The following BICDL1 variants were observed in gnomAD, a reference collection of about 807,000 sequenced individuals.
The protein encoded by BICDL1 is BICD family-like cargo adapter 1.
BICDL1 carries 20 observed loss-of-function variants against 76.8 expected under a neutral mutation model. The ratio of observed to expected loss-of-function variants is 0.26; its 90% CI spans 0.18 to 0.38. The LOEUF (loss-of-function observed/expected upper bound fraction) is 0.38, where lower values mean the gene tolerates loss of function less well. Among genes scored for constraint, BICDL1 ranks in the 10% least tolerant of loss-of-function variants. The pLI, the probability that BICDL1 is intolerant of heterozygous loss-of-function variation, is 1.00. For missense variants in BICDL1, 700 were observed against 798.6 expected, an observed-to-expected ratio of 0.88 and a Z score of 1.49; for synonymous variants, 383 against 337.1, an observed-to-expected ratio of 1.14 and a Z score of -1.49.
chr12:120,092,718 A>ACCCGAG, intron 9 of BICDL1: 1 of 985,390 alleles, frequency 1.0e-6, no homozygotes, highest in Non-Finnish European at 1.2e-6. Context: ...GGGAGAGACC[A>ACCCGAG]CCCGAGCCAT....
intron 7 of BICDL1, among the ~76,000 whole-genome samples, chr12:120,075,897 G>T (rs144335581): frequency 6.6e-6 from 1 of 152,162 alleles, no homozygotes; most frequent in African/African-American, 2.4e-5. Context: ...GGTGGCTCAC[G>T]CCTGTAATCC....
chr12:120,052,916 A>G (rs1051468474), intron 2 of BICDL1, among the ~76,000 whole-genome samples: 2 of 150,264 alleles, frequency 1.3e-5, no homozygotes, highest in African/African-American at 4.9e-5. Flanking sequence ...GGCACTACGG[A>G]CTACAGGCAC....
intron 9 of BICDL1, chr12:120,091,693 G>GT (rs771754371): frequency 1.3e-4 from 131 of 985,202 alleles, no homozygotes; most frequent in Non-Finnish European, 1.6e-4. Flanking sequence ...GCCAGAGCGC[G>GT]TGAGGGGTCC....
intron 2 of BICDL1, among the ~76,000 whole-genome samples, chr12:120,047,065 A>G (rs886104581): frequency 2.0e-5 from 3 of 152,210 alleles, no homozygotes; most frequent in Non-Finnish European, 4.4e-5. Flanking sequence ...CCGAAAGGAT[A>G]ATAACAAAAC....
chr12:120,007,991 G>T (rs1455774051), intron 2 of BICDL1, among the ~76,000 whole-genome samples: 2 of 152,088 alleles, frequency 1.3e-5, no homozygotes, highest in South Asian at 2.1e-4. Flanking sequence ...GTTTACAGAG[G>T]CTGGCAATTT....
rs968128183 is a variant in BICDL1 at position 120,061,706 on chromosome 12, T to C, written c.646-4T>C. 4 of 1,606,116 alleles carry C rather than the reference T, an allele frequency of 2.5e-6. No individual in the cohort carries two copies. The highest frequency in any genetic ancestry group is 1.3e-5 in the African/African-American group (1 of 74,780). ...ATCAGCTCTGCAGGTCTCCTCTGTTTCAGGCATCAGAAGTTGAGAGACAAC... is the reference window on the plus strand; with the variant it reads ...ATCAGCTCTGCAGGTCTCCTCTGTTCCAGGCATCAGAAGTTGAGAGACAAC... On this transcript the variant is annotated splice_region_variant and splice_polypyrimidine_tract_variant and intron_variant, in intron 2 of 9. Transcript: ENST00000548673.
At chr12:120,037,940 C>G (rs1374363048) in intron 2 of BICDL1, among the ~76,000 whole-genome samples, 1 of 152,196 alleles carries the variant, frequency 6.6e-6, no homozygotes, top group South Asian at 2.1e-4. Flanking sequence ...TACTCTTGCT[C>G]CCTCACTATC....
At chr12:120,010,969 G>T (rs1031146451) in intron 2 of BICDL1, among the ~76,000 whole-genome samples, 1 of 152,194 alleles carries the variant, frequency 6.6e-6, no homozygotes, top group African/African-American at 2.4e-5. Flanking sequence ...ATTTGTAGAA[G>T]AGTAACCCTA....
chr12:120,058,532 C>T (rs989138668), intron 2 of BICDL1, among the ~76,000 whole-genome samples: 1 of 151,918 alleles, frequency 6.6e-6, no homozygotes, highest in African/African-American at 2.4e-5. Context: ...TATATGCACT[C>T]AAACTGCAGC....
chr12:119,998,866 G>A (rs1341130730), intron 2 of BICDL1, 130 bp downstream of exon 2: 3 of 792,214 alleles, frequency 3.8e-6, no homozygotes, highest in African/African-American at 3.5e-5. Flanking sequence ...ACCAATCTGG[G>A]CAACACAGGG....
chr12:120,030,388 C>T (rs1464584190), intron 2 of BICDL1, among the ~76,000 whole-genome samples: 7 of 152,168 alleles, frequency 4.6e-5, no homozygotes, highest in Non-Finnish European at 7.3e-5. Context: ...TGACTATCTG[C>T]GCTATTTTCC....
At chr12:120,090,204 T>C in intron 9 of BICDL1, 133 bp downstream of exon 9, 1 of 1,078,174 alleles carries the variant, frequency 9.3e-7, no homozygotes, top group Admixed American at 2.6e-5. Context: ...AGTCTTCACC[T>C]GGCAAGATCC....
intron 2 of BICDL1, among the ~76,000 whole-genome samples, chr12:120,022,035 A>G (rs981629793): frequency 6.6e-6 from 1 of 151,438 alleles, no homozygotes; most frequent in Non-Finnish European, 1.5e-5. Flanking sequence ...AAACAAAAAG[A>G]CAACCAAAAA....
intron 8 of BICDL1, among the ~76,000 whole-genome samples, chr12:120,082,529 C>T (rs1057438565): frequency 3.3e-5 from 5 of 152,010 alleles, no homozygotes; most frequent in African/African-American, 1.2e-4. Context: ...CCTGGGATTA[C>T]AGGCATGAGC....
chr12:120,029,191 G>A (rs1215234861), intron 2 of BICDL1, among the ~76,000 whole-genome samples: 6 of 150,454 alleles, frequency 4.0e-5, no homozygotes, highest in Non-Finnish European at 8.9e-5. Context: ...TCATACAAGG[G>A]AAGACGTGTT....
intron 2 of BICDL1, among the ~76,000 whole-genome samples, chr12:120,008,411 G>C (rs1456921348): frequency 1.3e-5 from 2 of 152,016 alleles, no homozygotes; most frequent in Admixed American, 6.6e-5. Context: ...CACCTGCCTT[G>C]GCCTCCCAAA....
intron 2 of BICDL1, among the ~76,000 whole-genome samples, chr12:120,028,533 G>A (rs750161842): frequency 1.2e-4 from 19 of 152,094 alleles, no homozygotes; most frequent in Non-Finnish European, 2.1e-4. Flanking sequence ...AACATTAGCC[G>A]GGCGTGGTGG....
At position 120,091,836 on chromosome 12, in the gene BICDL1, C is replaced by G. The variant is rs896793255; in HGVS notation, c.1705-1164C>G. ...AAGCTGCTCAGATGGAGGGGCCCAG[C>G]CAGCCCAACTTCATGCCCTCATCTC... On this transcript the variant is annotated intron_variant, in intron 9 of 9. Transcript: ENST00000548673. The G allele has an allele frequency of 1.6e-5, 16 of 985,244 alleles. No individual in the cohort carries two copies. The African/African-American group carries it at 2.3e-4, about 14-fold the overall frequency. The allele number at this position is 985,244 out of a possible 1,614,324, so 61.0% of individuals were successfully genotyped here. A position where few individuals can be genotyped will look rare whatever the true frequency, so the allele number is the denominator to read the frequency against.
At chr12:120,035,585 C>A (rs558890418) in intron 2 of BICDL1, among the ~76,000 whole-genome samples, 1 of 152,148 alleles carries the variant, frequency 6.6e-6, no homozygotes, top group Non-Finnish European at 1.5e-5. Flanking sequence ...TGCTCTTAAA[C>A]CCCTGCTAAA....
Sources: gnomAD v4.1 joint callset for allele counts (sites outside exome capture counted in the v4.1 genomes callset) on GRCh38, gnomAD v4.1.1 for gene constraint, MANE v1.5 for transcripts, NCBI Gene and HGNC (gene_info 2026-07-23, HGNC 2026-07-21) for gene names.